PCDH11Y: variants seen among roughly 807,000 people sequenced by gnomAD.
PCDH11Y encodes protocadherin-11 Y-linked.
For synonymous variants in PCDH11Y, 9 were observed against 83.6 expected (o/e 0.11, Z 4.87); for missense variants, 12 against 224.8 (o/e 0.05, Z 6.05).
chrY:5,226,416 T>C, intron 2 of PCDH11Y, among the ~76,000 whole-genome samples: 1 of 28,793 alleles, frequency 3.5e-5, no homozygotes, highest in Non-Finnish European at 8.2e-5. Context: ...TTTTATTGTA[T>C]CTTTTGTTGT....
chrY:5,052,736 G>T, upstream of PCDH11Y, among the ~76,000 whole-genome samples: 1 of 28,932 alleles, frequency 3.5e-5, no homozygotes, highest in African/African-American at 1.4e-4. Context: ...CTTTTGTGTT[G>T]TTTCCTTTAT....
intron 3 of PCDH11Y, among the ~76,000 whole-genome samples, chrY:5,538,586 AAGAAAGTTTGGAGTTTAG>A (rs2053402758): frequency 3.1e-5 from 1 of 32,383 alleles, no homozygotes; most frequent in Non-Finnish European, 7.6e-5. Flanking sequence ...ACTTGGGAAG[AAGAAAGTTTGGAGTTTAG>A]AAGAAAAGGT....
At chrY:5,075,448 T>C in intron 1 of PCDH11Y, among the ~76,000 whole-genome samples, 1 of 33,399 alleles carries the variant, frequency 3.0e-5, no homozygotes. Flanking sequence ...TTAGTTATTT[T>C]AAAACATATG....
intron 3 of PCDH11Y, among the ~76,000 whole-genome samples, chrY:5,042,255 A>G (rs1385461310): frequency 6.3e-4 from 14 of 22,394 alleles, no homozygotes; most frequent in Non-Finnish European, 1.2e-3. Flanking sequence ...CTAACGTTTA[A>G]GTCTTTAATC....
At chrY:5,637,115 C>A in intron 4 of PCDH11Y, among the ~76,000 whole-genome samples, 1 of 33,241 alleles carries the variant, frequency 3.0e-5, no homozygotes, top group Non-Finnish European at 7.4e-5. Context: ...TGATTTTTAA[C>A]AAATATTGTC....
intron 1 of PCDH11Y, among the ~76,000 whole-genome samples, chrY:5,012,572 G>A: frequency 9.7e-5 from 3 of 31,065 alleles, no homozygotes; most frequent in Non-Finnish European, 1.5e-4. Flanking sequence ...GATTTGGGTA[G>A]GGACCCGAAT....
At chrY:5,050,732 G>A in intron 3 of PCDH11Y, among the ~76,000 whole-genome samples, 2 of 32,043 alleles carry the variant, frequency 6.2e-5, no homozygotes, top group African/African-American at 2.4e-4. Context: ...ATATAATACT[G>A]TTTTGTGTAC....
intron 2 of PCDH11Y, among the ~76,000 whole-genome samples, chrY:5,280,248 A>C: frequency 3.1e-5 from 1 of 32,535 alleles, no homozygotes; most frequent in Non-Finnish European, 7.5e-5. Flanking sequence ...TAGTAAGCCT[A>C]GTAGCCATTT....
chrY:5,577,857 C>T (rs2053447527), intron 3 of PCDH11Y, among the ~76,000 whole-genome samples: 1 of 32,181 alleles, frequency 3.1e-5, no homozygotes, highest in South Asian at 7.3e-4. Context: ...CTTATGATAA[C>T]GAGTGCGTTC....
chrY:5,636,106 A>G, intron 4 of PCDH11Y, among the ~76,000 whole-genome samples: 1 of 34,130 alleles, frequency 2.9e-5, no homozygotes, highest in African/African-American at 1.1e-4. Context: ...ATGTAAGATA[A>G]GGTGATCTAT....
intron 1 of PCDH11Y, among the ~76,000 whole-genome samples, chrY:5,063,744 C>A (rs2124629327): frequency 3.1e-5 from 1 of 32,454 alleles, no homozygotes; most frequent in African/African-American, 1.2e-4. Flanking sequence ...AATTAAATAA[C>A]GCAGAACTTA....
chrY:5,526,130 T>G, intron 3 of PCDH11Y, among the ~76,000 whole-genome samples: 2 of 33,374 alleles, frequency 6.0e-5, no homozygotes, highest in Non-Finnish European at 1.5e-4. Flanking sequence ...TTTGACAGCA[T>G]GTATAATTTA....
intron 2 of PCDH11Y, among the ~76,000 whole-genome samples, chrY:5,382,622 A>G: frequency 3.0e-5 from 1 of 33,532 alleles, no homozygotes; most frequent in Non-Finnish European, 7.4e-5. Context: ...ATAGACTCAA[A>G]TACACTTCAT....
At chrY:5,470,894 A>C in intron 2 of PCDH11Y, among the ~76,000 whole-genome samples, 2 of 30,634 alleles carry the variant, frequency 6.5e-5, no homozygotes, top group African/African-American at 2.5e-4. Flanking sequence ...ACATCTAAAT[A>C]GATTTCTCAC....
At chrY:5,647,953 T>C in intron 4 of PCDH11Y, among the ~76,000 whole-genome samples, 1 of 33,553 alleles carries the variant, frequency 3.0e-5, no homozygotes, top group Non-Finnish European at 7.3e-5. Context: ...GAAGACGTAA[T>C]GTTTTAATGA....
chrY:5,323,182 A>G, intron 2 of PCDH11Y, among the ~76,000 whole-genome samples: 1 of 24,399 alleles, frequency 4.1e-5, no homozygotes, highest in East Asian at 1.0e-3. Flanking sequence ...GAAGCTCCAA[A>G]TGCTCTTTTT....
chrY:5,208,129 G>A, intron 2 of PCDH11Y: 5 of 141,974 alleles, frequency 3.5e-5, no homozygotes, highest in Non-Finnish European at 1.4e-5. Flanking sequence ...GCTGCTGTGC[G>A]GAGGCAGAGA....
chrY:5,257,438 C>T, intron 2 of PCDH11Y, among the ~76,000 whole-genome samples: 1 of 31,723 alleles, frequency 3.2e-5, no homozygotes, highest in Admixed American at 2.9e-4. Context: ...AATGCAATGA[C>T]GGCTCACTGC....
intron 2 of PCDH11Y, among the ~76,000 whole-genome samples, chrY:5,157,116 G>T (rs2124644083): frequency 6.1e-5 from 2 of 32,959 alleles, no homozygotes; most frequent in South Asian, 1.3e-3. Context: ...GACATATTTT[G>T]ATGCATTTTT....
Sources: gnomAD v4.1 joint callset for allele counts (sites outside exome capture counted in the v4.1 genomes callset) on GRCh38, gnomAD v4.1.1 for gene constraint, MANE v1.5 for transcripts, NCBI Gene and HGNC (gene_info 2026-07-23, HGNC 2026-07-21) for gene names.